Variants in CTNNA2 observed in about 807,000 individuals in gnomAD.
CTNNA2 encodes the protein catenin alpha-2.
CTNNA2 carries 42 observed loss-of-function variants against 101.0 expected under a neutral mutation model. The ratio of observed to expected loss-of-function variants is 0.42; its 90% CI spans 0.32 to 0.54. CTNNA2 has a LOEUF of 0.54. Ranked by LOEUF, CTNNA2 falls within the 20% of genes least tolerant of loss-of-function variation. The pLI is 0.14. For synonymous variants in CTNNA2, 450 were observed against 456.4 expected (o/e 0.99, Z 0.18); for missense variants, 871 against 1,223.1 (o/e 0.71, Z 4.29).
At chr2:80,179,684 C>T (rs547706502) in intron 7 of CTNNA2, among the ~76,000 whole-genome samples, 4 of 152,224 alleles carry the variant, frequency 2.6e-5, no homozygotes, top group African/African-American at 9.6e-5. Context: ...AGAATCACCA[C>T]CTTTGCATAT....
Position 79,245,482 on chromosome 2 carries a change from A to T in CTNNA2, c.-406+47406A>T, listed in dbSNP as rs181641873. Among the ~76,000 whole-genome samples, 13 of 152,288 alleles carry T rather than the reference A, an allele frequency of 8.5e-5. No homozygotes were observed. In the East Asian group the frequency reaches 2.5e-3, roughly 29 times the overall value. ...AAAGGAATGAATAAGATACCAGCAT[A>T]TACTACTTTCTTTTTGCAATGAGTC... On this transcript the variant is annotated intron_variant, in intron 2 of 21. Transcript: ENST00000466387.
chr2:79,675,266 G>A lies in CTNNA2; in HGVS notation c.102+23608G>A, dbSNP rs186407543. On this transcript the variant is annotated intron_variant, in intron 2 of 18. Coordinates refer to ENST00000402739, the MANE Select transcript of CTNNA2 (RefSeq NM_001282597.3). ...ATTGTAATAATGGAGAGAATTGGAG[G>A]TATATAATTGGTATTGATTCAAATT... Among the ~76,000 whole-genome samples, 315 of 152,226 alleles carry A rather than the reference G, an allele frequency of 2.1e-3. 2 individuals carry two copies. Among genetic ancestry groups the A allele is most frequent in the African/African-American group, 6.7e-3 (277 of 41,546 alleles).
intron 1 of CTNNA2, among the ~76,000 whole-genome samples, chr2:79,594,112 C>G (rs1364378777): frequency 6.6e-6 from 1 of 151,980 alleles, no homozygotes; most frequent in Non-Finnish European, 1.5e-5. Context: ...TGGTCTTGAA[C>G]ACCTGAACTC....
At chr2:79,467,205 A>G (rs1258887046) in intron 4 of CTNNA2, among the ~76,000 whole-genome samples, 1 of 152,238 alleles carries the variant, frequency 6.6e-6, no homozygotes, top group Non-Finnish European at 1.5e-5. Context: ...GCTGAAAACC[A>G]TGGCACGAGA....
At chr2:79,290,991 A>T (rs1385078148) in intron 2 of CTNNA2, among the ~76,000 whole-genome samples, 2 of 152,182 alleles carry the variant, frequency 1.3e-5, no homozygotes, top group Non-Finnish European at 2.9e-5. Context: ...CAGAGGCTGT[A>T]AACATTCACC....
chr2:79,406,629 G>C (rs1009458213), intron 4 of CTNNA2, among the ~76,000 whole-genome samples: 6 of 151,964 alleles, frequency 3.9e-5, no homozygotes, highest in Non-Finnish European at 5.9e-5. Flanking sequence ...ATGTTGACAA[G>C]GAGTTAAAGG....
At chr2:79,778,926 T>C (rs1674213572) in intron 3 of CTNNA2, among the ~76,000 whole-genome samples, 2 of 152,352 alleles carry the variant, frequency 1.3e-5, no homozygotes, top group Admixed American at 1.3e-4. Flanking sequence ...GCAGGCACTA[T>C]TAAAACAAGT....
intron 7 of CTNNA2, among the ~76,000 whole-genome samples, chr2:80,291,605 T>TA (rs1237503237): frequency 6.6e-6 from 1 of 152,200 alleles, no homozygotes; most frequent in African/African-American, 2.4e-5. Context: ...GATGTATGCT[T>TA]AGTGTCCCAG....
At chr2:80,552,784 CAT>C (rs1214711133) in intron 11 of CTNNA2, among the ~76,000 whole-genome samples, 2 of 152,114 alleles carry the variant, frequency 1.3e-5, no homozygotes, top group Admixed American at 6.6e-5. Context: ...TGTATCTAAA[CAT>C]GTATAAATAT....
At chr2:79,373,900 A>T (rs1302609104) in exon 4 of CTNNA2, 3 of 152,166 alleles carry the variant, frequency 2.0e-5, no homozygotes, top group Non-Finnish European at 4.4e-5. Flanking sequence ...TCTCAGAGCC[A>T]GCACTCAGGA....
intron 3 of CTNNA2, among the ~76,000 whole-genome samples, chr2:79,802,989 G>A (rs915300695): frequency 2.6e-5 from 4 of 152,076 alleles, no homozygotes; most frequent in Admixed American, 6.6e-5. Context: ...AATAAGTTCT[G>A]TATAAATGTA....
Position 79,490,206 on chromosome 2 carries a change from C to G in CTNNA2, c.-134-14848C>G, listed in dbSNP as rs1671195227. ...TACCTGCAATTTCTTGCTCTTTTAACCTTTCTGTAGAATCAGAATATAAGC... is the reference window on the plus strand; with the variant it reads ...TACCTGCAATTTCTTGCTCTTTTAAGCTTTCTGTAGAATCAGAATATAAGC... On this transcript the variant is annotated intron_variant, in intron 4 of 21. Transcript: ENST00000466387. Among the ~76,000 whole-genome samples, 3 of 152,170 alleles carry G rather than the reference C, an allele frequency of 2.0e-5. No individual in the cohort carries two copies. The South Asian group carries it at 6.2e-4, about 31-fold the overall frequency.
chr2:79,542,563 G>A (rs1382117646), intron 1 of CTNNA2, among the ~76,000 whole-genome samples: 2 of 152,098 alleles, frequency 1.3e-5, no homozygotes, highest in Non-Finnish European at 2.9e-5. Context: ...AAACTGGGCA[G>A]GTTTAATGAG....
chr2:80,462,156 A>G (rs1232677442), intron 9 of CTNNA2, among the ~76,000 whole-genome samples: 1 of 152,204 alleles, frequency 6.6e-6, no homozygotes, highest in Non-Finnish European at 1.5e-5. Flanking sequence ...ATCTCATGGC[A>G]TTATGATAAC....
chr2:79,594,918 T>C (rs559152237), intron 1 of CTNNA2, among the ~76,000 whole-genome samples: 1 of 152,290 alleles, frequency 6.6e-6, no homozygotes, highest in South Asian at 2.1e-4. Context: ...TTTCCTCATA[T>C]GCTTTCTCAG....
chr2:79,897,810 G>A (rs758609615), intron 6 of CTNNA2, among the ~76,000 whole-genome samples: 20 of 152,176 alleles, frequency 1.3e-4, no homozygotes, highest in Non-Finnish European at 2.9e-4. Flanking sequence ...AGCATGTTTG[G>A]TTGTCTGGTG....
chr2:80,597,126 T>G lies in CTNNA2; in HGVS notation c.2190-6948T>G, dbSNP rs147741867. Among the ~76,000 whole-genome samples, 10 of 152,248 alleles carry G rather than the reference T, an allele frequency of 6.6e-5. No individual in the cohort carries two copies. The East Asian group carries it at 1.9e-3, about 29-fold the overall frequency. On this transcript the variant is annotated intron_variant, in intron 15 of 18. Coordinates refer to ENST00000402739, the MANE Select transcript of CTNNA2 (RefSeq NM_001282597.3). The stretch of plus-strand genomic sequence containing the variant: ...CAGTTTGCCAGTATTTAACTGAGGA[T>G]TTTTGCATCGATGTTCATCAGGGAT...
At chr2:80,300,281 GGTGTGTGTGTGTGTGT>G (rs70940079) in intron 7 of CTNNA2, among the ~76,000 whole-genome samples, 435 of 93,154 alleles carry the variant, frequency 4.7e-3, no homozygotes, top group African/African-American at 7.3e-3. Context: ...GGGGTGTTGG[GGTGTGTGTGTGTGTGT>G]GTGTGTGTGT....
chr2:80,371,556 ATTT>A (rs56220769), intron 7 of CTNNA2, among the ~76,000 whole-genome samples: 15 of 145,468 alleles, frequency 1.0e-4, no homozygotes, highest in East Asian at 1.0e-3. Flanking sequence ...GAAATCAGGG[ATTT>A]TTTTTTTTTT....
Sources: allele counts gnomAD v4.1 joint callset (sites outside exome capture counted in the v4.1 genomes callset), GRCh38; gene constraint gnomAD v4.1.1; transcripts MANE v1.5; gene names NCBI Gene and HGNC (gene_info 2026-07-23, HGNC 2026-07-21).